The following RHOJ variants were observed in gnomAD, a reference collection of about 807,000 sequenced individuals.
The protein encoded by RHOJ is ras homolog family member J.
A neutral mutation model predicts 23.4 loss-of-function variants in RHOJ; 11 were observed. The ratio of observed to expected loss-of-function variants is 0.47; its 90% CI spans 0.30 to 0.78. The LOEUF (loss-of-function observed/expected upper bound fraction) is 0.78, where lower values mean the gene tolerates loss of function less well. RHOJ is among the 30% of genes least tolerant of loss of function. RHOJ has a pLI of 0.08. For missense variants in RHOJ, 254 were observed against 273.4 expected (o/e 0.93, Z 0.50); for synonymous variants, 102 against 102.7 (o/e 0.99, Z 0.04).
At chr14:63,275,175 C>T (rs1881679289) in intron 2 of RHOJ, among the ~76,000 whole-genome samples, 1 of 151,994 alleles carries the variant, frequency 6.6e-6, no homozygotes, top group African/African-American at 2.4e-5. Flanking sequence ...TTTAATTACC[C>T]AGGCGTGGTG....
chr14:63,251,913 G>A (rs1308512695), intron 1 of RHOJ, among the ~76,000 whole-genome samples: 1 of 152,000 alleles, frequency 6.6e-6, no homozygotes, highest in African/African-American at 2.4e-5. Flanking sequence ...TTGAGGCCAA[G>A]AGTTCAAAAC....
chr14:63,293,115 G>C lies in RHOJ; in HGVS notation c.*2091G>C, dbSNP rs1019682168. The C allele has an allele frequency of 1.3e-5, 2 of 152,294 alleles. No individual in the cohort carries two copies. The highest frequency in any genetic ancestry group is 4.8e-5 in the African/African-American group (2 of 41,558). 9.4% of individuals were successfully genotyped at this position (152,294 alleles called of 1,614,324 possible). A position where few individuals can be genotyped will look rare whatever the true frequency, so the allele number is the denominator to read the frequency against. ...ACAAGGACTTTCTGCCTTTATAAAT[G>C]GAAATCAACTGTGTATGAACTATAA... On this transcript the variant is annotated 3_prime_UTR_variant, in exon 5 of 5. Coordinates refer to ENST00000316754, the MANE Select transcript of RHOJ (RefSeq NM_020663.5).
intron 1 of RHOJ, among the ~76,000 whole-genome samples, chr14:63,225,021 C>A (rs371163045): frequency 1.3e-5 from 2 of 148,776 alleles, no homozygotes; most frequent in African/African-American, 5.0e-5. Flanking sequence ...GGCACGATCT[C>A]AGCTCACTGC....
chr14:63,250,841 C>T (rs1895057837), intron 1 of RHOJ, among the ~76,000 whole-genome samples: 1 of 152,036 alleles, frequency 6.6e-6, no homozygotes, highest in Admixed American at 6.6e-5. Flanking sequence ...CCAGATCAGC[C>T]TCGCCAATAT....
intron 1 of RHOJ, among the ~76,000 whole-genome samples, chr14:63,255,817 G>A (rs1895153679): frequency 6.6e-6 from 1 of 151,946 alleles, no homozygotes; most frequent in African/African-American, 2.4e-5. Flanking sequence ...GATATTCTGT[G>A]TCACTGGGGC....
chr14:63,287,545 C>G (rs761696941), intron 4 of RHOJ, among the ~76,000 whole-genome samples: 2 of 151,688 alleles, frequency 1.3e-5, no homozygotes, highest in Non-Finnish European at 2.9e-5. Context: ...CCTGCCCCAA[C>G]TAGAACAACA....
At chr14:63,281,453 A>G (rs1276954726) in intron 3 of RHOJ, among the ~76,000 whole-genome samples, 1 of 152,074 alleles carries the variant, frequency 6.6e-6, no homozygotes, top group East Asian at 1.9e-4. Flanking sequence ...TGAGGGTGTC[A>G]ATTGAACATA....
chr14:63,234,807 C>T (rs910039652), intron 1 of RHOJ, among the ~76,000 whole-genome samples: 16 of 152,226 alleles, frequency 1.1e-4, no homozygotes, highest in African/African-American at 2.6e-4. Context: ...GAGCTCCATC[C>T]GCACTATTAT....
At chr14:63,265,135 T>C (rs1895343981) in intron 1 of RHOJ, among the ~76,000 whole-genome samples, 1 of 152,232 alleles carries the variant, frequency 6.6e-6, no homozygotes, top group Non-Finnish European at 1.5e-5. Context: ...TCCTAGGTTT[T>C]ATTCTAGAAT....
intron 2 of RHOJ, among the ~76,000 whole-genome samples, chr14:63,277,501 T>C (rs1265104360): frequency 6.6e-6 from 1 of 152,196 alleles, no homozygotes; most frequent in Non-Finnish European, 1.5e-5. Flanking sequence ...AGGAGTTGAT[T>C]AGCAGAGCTT....
chr14:63,266,317 T>C (rs963767996), intron 1 of RHOJ, among the ~76,000 whole-genome samples: 2 of 152,204 alleles, frequency 1.3e-5, no homozygotes, highest in Non-Finnish European at 2.9e-5. Context: ...CAGCTGTGCC[T>C]AAATTCCAAA....
At chr14:63,268,617 T>C (rs996771823) in intron 1 of RHOJ, among the ~76,000 whole-genome samples, 9 of 152,212 alleles carry the variant, frequency 5.9e-5, no homozygotes, top group African/African-American at 2.2e-4. Context: ...GCTATAAAAG[T>C]ATGTATTAAT....
intron 1 of RHOJ, among the ~76,000 whole-genome samples, chr14:63,260,058 A>T (rs1192860634): frequency 6.6e-6 from 1 of 152,172 alleles, no homozygotes; most frequent in Non-Finnish European, 1.5e-5. Flanking sequence ...ACACACACTA[A>T]ATATTCACTT....
intron 1 of RHOJ, among the ~76,000 whole-genome samples, chr14:63,225,875 A>G (rs17765231): frequency 0.11 from 16,259 of 152,152 alleles, 1,025 homozygotes; most frequent in African/African-American, 0.16. Flanking sequence ...GGTATCAGAA[A>G]CCTTCAATAG....
chr14:63,244,350 T>C (rs1476168187), intron 1 of RHOJ, among the ~76,000 whole-genome samples: 1 of 151,368 alleles, frequency 6.6e-6, no homozygotes, highest in Non-Finnish European at 1.5e-5. Context: ...GCAGATCACC[T>C]GAGGTCAAGA....
Position 63,291,042 on chromosome 14 carries a change from C to G in RHOJ, c.*18C>G, listed in dbSNP as rs1346161000. Reference sequence around the variant, plus strand: ...TTATCTGAGGTTGTCTGGGACCTGCCTCCACCCCATCCAGGGATGAGAATG... The same window carrying G: ...TTATCTGAGGTTGTCTGGGACCTGCGTCCACCCCATCCAGGGATGAGAATG... On this transcript the variant is annotated 3_prime_UTR_variant, in exon 5 of 5. Transcript: ENST00000316754. 6.2e-7 allele frequency: 1 copy of G among 1,613,726 alleles called. No individual in the cohort carries two copies. The highest frequency in any genetic ancestry group is 1.1e-5 in the South Asian group (1 of 91,070).
intron 1 of RHOJ, among the ~76,000 whole-genome samples, chr14:63,267,566 G>C (rs971202597): frequency 3.9e-5 from 6 of 152,176 alleles, no homozygotes; most frequent in African/African-American, 1.4e-4. Context: ...TTAGTGAACT[G>C]GTCATTGAAG....
At position 63,214,911 on chromosome 14, in the gene RHOJ, G is replaced by A. The variant is rs555026817; in HGVS notation, c.178+9864G>A. On this transcript the variant is annotated intron_variant, in intron 1 of 4. Transcript: ENST00000316754. Reference sequence around the variant, plus strand: ...AACATGACTCTAAGACCTTCAGAGGGGTCACTGAGGGAAATTAGAGAGCAC... The same window carrying A: ...AACATGACTCTAAGACCTTCAGAGGAGTCACTGAGGGAAATTAGAGAGCAC... Among the ~76,000 whole-genome samples the A allele has an allele frequency of 3.3e-5, 5 of 152,156 alleles. No homozygotes were observed. In the South Asian group the frequency reaches 1.0e-3, roughly 32 times the overall value.
chr14:63,249,164 G>A (rs1308596546), intron 1 of RHOJ, among the ~76,000 whole-genome samples: 2 of 152,222 alleles, frequency 1.3e-5, no homozygotes, highest in Non-Finnish European at 2.9e-5. Context: ...ATTGATGCTG[G>A]AAGGAACAAG....
Sources: allele counts gnomAD v4.1 joint callset (sites outside exome capture counted in the v4.1 genomes callset), GRCh38; gene constraint gnomAD v4.1.1; transcripts MANE v1.5; gene names NCBI Gene and HGNC (gene_info 2026-07-23, HGNC 2026-07-21).